Variants in LPAR1 observed in about 807,000 individuals in gnomAD.
The protein encoded by LPAR1 is LPA receptor 1.
In LPAR1, 5 loss-of-function variants were observed where a neutral mutation model predicts 23.8. The observed-to-expected ratio is 0.21, with a 90% CI of 0.11 to 0.44. The LOEUF (loss-of-function observed/expected upper bound fraction) is 0.44, where lower values mean the gene tolerates loss of function less well. LPAR1 is among the 20% of genes least tolerant of loss of function. The probability of loss-of-function intolerance (pLI) is 0.99; values close to 1 mark genes in which losing one functional copy is unlikely to be tolerated. For missense variants in LPAR1, 311 were observed against 482.8 expected (o/e 0.64, Z 3.33); for synonymous variants, 160 against 164.7 (o/e 0.97, Z 0.22).
intron 5 of LPAR1, among the ~76,000 whole-genome samples, chr9:110,935,595 C>T (rs981692872): frequency 1.8e-4 from 28 of 152,090 alleles, no homozygotes; most frequent in African/African-American, 6.3e-4. Context: ...TCAACACCAG[C>T]CTAGGCAACA....
At chr9:110,944,274 C>T (rs1324403696) in intron 4 of LPAR1, among the ~76,000 whole-genome samples, 1 of 152,192 alleles carries the variant, frequency 6.6e-6, no homozygotes, top group African/African-American at 2.4e-5. Flanking sequence ...CCCCTCTACA[C>T]TAGGCTATGA....
intron 5 of LPAR1, among the ~76,000 whole-genome samples, chr9:110,895,397 C>G (rs1172637268): frequency 6.6e-6 from 1 of 152,220 alleles, no homozygotes; most frequent in African/African-American, 2.4e-5. Flanking sequence ...GGGGCCTGGC[C>G]ACTAGGCTGG....
intron 4 of LPAR1, among the ~76,000 whole-genome samples, chr9:110,951,453 C>A (rs1282081622): frequency 2.6e-5 from 4 of 152,028 alleles, no homozygotes; most frequent in Admixed American, 2.6e-4. Flanking sequence ...AAAAGACAAA[C>A]AATCCAACAG....
At chr9:110,887,396 G>C (rs1413340890) in intron 5 of LPAR1, among the ~76,000 whole-genome samples, 2 of 151,954 alleles carry the variant, frequency 1.3e-5, no homozygotes, top group African/African-American at 4.8e-5. Flanking sequence ...AAGAAGAACA[G>C]TATAAACTGT....
chr9:110,966,214 C>T (rs545277715), intron 4 of LPAR1, among the ~76,000 whole-genome samples: 1 of 152,236 alleles, frequency 6.6e-6, no homozygotes, highest in East Asian at 1.9e-4. Flanking sequence ...GGCATGCTGG[C>T]TCACACCTGT....
intron 2 of LPAR1, among the ~76,000 whole-genome samples, chr9:111,004,646 C>T (rs2097182771): frequency 6.6e-6 from 1 of 152,110 alleles, no homozygotes; most frequent in Non-Finnish European, 1.5e-5. Context: ...TTTGTGATAG[C>T]CTTTTCTCAA....
intron 2 of LPAR1, among the ~76,000 whole-genome samples, chr9:111,012,195 G>A (rs1211516036): frequency 1.3e-5 from 2 of 152,142 alleles, no homozygotes; most frequent in African/African-American, 4.8e-5. Flanking sequence ...AGGCTGCAAT[G>A]AGCAGTTATC....
intron 2 of LPAR1, among the ~76,000 whole-genome samples, chr9:110,991,765 G>C (rs1310331737): frequency 1.3e-5 from 2 of 152,100 alleles, no homozygotes; most frequent in Non-Finnish European, 2.9e-5. Flanking sequence ...TGTGCCATTT[G>C]TATTTTTAGT....
chr9:111,022,061 G>A (rs1055138067), intron 2 of LPAR1, among the ~76,000 whole-genome samples: 2 of 151,008 alleles, frequency 1.3e-5, no homozygotes, highest in Non-Finnish European at 2.9e-5. Context: ...GTTGCCCAAT[G>A]TGAAGGAATT....
intron 2 of LPAR1, among the ~76,000 whole-genome samples, chr9:111,030,344 G>A (rs1163232189): frequency 6.6e-6 from 1 of 152,190 alleles, no homozygotes; most frequent in African/African-American, 2.4e-5. Flanking sequence ...CGTAGTCCAA[G>A]AAGGCAAAGC....
At chr9:110,910,442 G>A (rs1039666668) in intron 5 of LPAR1, among the ~76,000 whole-genome samples, 5 of 152,088 alleles carry the variant, frequency 3.3e-5, no homozygotes, top group African/African-American at 7.2e-5. Flanking sequence ...GTACCTAGTC[G>A]CCTAAGAGCT....
intron 5 of LPAR1, among the ~76,000 whole-genome samples, chr9:110,923,715 C>T (rs1180655169): frequency 3.9e-5 from 6 of 152,174 alleles, no homozygotes; most frequent in African/African-American, 9.7e-5. Flanking sequence ...TCATTTAACA[C>T]GCAAGGAAAC....
chr9:110,894,528 A>G (rs1261642201), intron 5 of LPAR1, among the ~76,000 whole-genome samples: 2 of 152,126 alleles, frequency 1.3e-5, no homozygotes, highest in East Asian at 3.9e-4. Flanking sequence ...AGAAATGTGG[A>G]TATTTTGGGT....
chr9:110,915,421 C>T (rs1191278440), intron 5 of LPAR1, among the ~76,000 whole-genome samples: 2 of 152,030 alleles, frequency 1.3e-5, no homozygotes, highest in Non-Finnish European at 2.9e-5. Context: ...CCTGTAATCC[C>T]AGCTACTTGG....
intron 5 of LPAR1, among the ~76,000 whole-genome samples, chr9:110,883,355 A>G (rs1354207099): frequency 6.6e-6 from 1 of 152,200 alleles, no homozygotes; most frequent in African/African-American, 2.4e-5. Context: ...AATTTTTTAA[A>G]GTACGTTTTT....
At chr9:111,024,542 G>A (rs1322175765) in intron 2 of LPAR1, among the ~76,000 whole-genome samples, 1 of 109,488 alleles carries the variant, frequency 9.1e-6, no homozygotes, top group Non-Finnish European at 1.9e-5. Context: ...GTGTGTGTGT[G>A]TGTATATATA....
intron 4 of LPAR1, among the ~76,000 whole-genome samples, chr9:110,949,867 A>G (rs2095514367): frequency 6.6e-6 from 1 of 152,194 alleles, no homozygotes; most frequent in African/African-American, 2.4e-5. Flanking sequence ...TTTCCTCCAG[A>G]ATGCAAAGAT....
chr9:110,931,103 A>C (rs1278082528), intron 5 of LPAR1, among the ~76,000 whole-genome samples: 1 of 152,212 alleles, frequency 6.6e-6, no homozygotes, highest in Non-Finnish European at 1.5e-5. Context: ...AAAGTAATTG[A>C]ATATTTCATT....
At chr9:110,967,423 C>A (rs992132659) in intron 4 of LPAR1, among the ~76,000 whole-genome samples, 3 of 152,124 alleles carry the variant, frequency 2.0e-5, no homozygotes, top group Admixed American at 6.5e-5. Context: ...CATATTAATT[C>A]GTTTATATGT....
Sources: allele counts gnomAD v4.1 joint callset (sites outside exome capture counted in the v4.1 genomes callset), GRCh38; gene constraint gnomAD v4.1.1; transcripts MANE v1.5; gene names NCBI Gene and HGNC (gene_info 2026-07-23, HGNC 2026-07-21).